TMEM135: variants seen among roughly 807,000 people sequenced by gnomAD.
TMEM135 encodes the protein transmembrane protein 135.
A neutral mutation model predicts 60.3 loss-of-function variants in TMEM135; 30 were observed. The ratio of observed to expected loss-of-function variants is 0.50; its 90% confidence interval spans 0.37 to 0.68. The LOEUF is 0.68. Ranked by LOEUF, TMEM135 falls within the 30% of genes least tolerant of loss-of-function variation. The pLI is 0.00. For missense variants in TMEM135, 468 were observed against 548.8 expected (o/e 0.85, Z 1.47); for synonymous variants, 190 against 186.7 (o/e 1.02, Z -0.14).
At chr11:87,187,150 G>A (rs545009672) in intron 5 of TMEM135, among the ~76,000 whole-genome samples, 1 of 152,290 alleles carries the variant, frequency 6.6e-6, no homozygotes, top group East Asian at 1.9e-4. Context: ...GGGGAGCTAT[G>A]TCAAGCCAAG....
chr11:87,153,733 C>T (rs969643498), intron 4 of TMEM135, among the ~76,000 whole-genome samples: 6 of 152,158 alleles, frequency 3.9e-5, no homozygotes, highest in African/African-American at 4.8e-5. Flanking sequence ...TTGACTCTAT[C>T]GCTAATTCCT....
chr11:87,231,939 T>C (rs898797154), intron 5 of TMEM135, among the ~76,000 whole-genome samples: 1 of 150,134 alleles, frequency 6.7e-6, no homozygotes, highest in African/African-American at 2.5e-5. Flanking sequence ...AAATGAAACA[T>C]AGAGAGAAAA....
At chr11:87,076,494 C>T (rs548234359) in intron 3 of TMEM135, among the ~76,000 whole-genome samples, 1 of 152,336 alleles carries the variant, frequency 6.6e-6, no homozygotes, top group South Asian at 2.1e-4. Context: ...TAGACCTGGA[C>T]TTGGGGACTC....
At chr11:87,073,496 G>A (rs1856811321) in intron 3 of TMEM135, among the ~76,000 whole-genome samples, 1 of 152,100 alleles carries the variant, frequency 6.6e-6, no homozygotes, top group South Asian at 2.1e-4. Flanking sequence ...AATCAAGTCA[G>A]TAATTCCAGG....
chr11:87,157,473 T>A, intron 5 of TMEM135, 67 bp downstream of exon 5: 1 of 1,332,714 alleles, frequency 7.5e-7, no homozygotes, highest in South Asian at 1.2e-5. Flanking sequence ...AAATATAAAA[T>A]GTGATGAAAT....
chr11:87,147,328 CAACA>C (rs940401779), intron 4 of TMEM135, among the ~76,000 whole-genome samples: 2 of 151,966 alleles, frequency 1.3e-5, no homozygotes, highest in South Asian at 2.1e-4. Context: ...CTCAAAAAAA[CAACA>C]AACAAACAAA....
intron 5 of TMEM135, among the ~76,000 whole-genome samples, chr11:87,168,939 C>A (rs879821326): frequency 6.6e-6 from 1 of 152,048 alleles, no homozygotes; most frequent in South Asian, 2.1e-4. Flanking sequence ...GAGTCTAAGT[C>A]TCTTTGTAGG....
intron 3 of TMEM135, among the ~76,000 whole-genome samples, chr11:87,081,918 C>G (rs1046694186): frequency 6.6e-6 from 1 of 152,058 alleles, no homozygotes; most frequent in Non-Finnish European, 1.5e-5. Flanking sequence ...AAAATTGATC[C>G]TTCCCTTGAT....
intron 6 of TMEM135, among the ~76,000 whole-genome samples, chr11:87,239,825 G>A (rs1251617134): frequency 6.6e-6 from 1 of 151,598 alleles, no homozygotes; most frequent in African/African-American, 2.4e-5. Flanking sequence ...AAGATGTGAT[G>A]ACTATACTAT....
chr11:87,298,565 ATCAC>A (rs139823234), intron 7 of TMEM135, among the ~76,000 whole-genome samples: 236 of 136,218 alleles, frequency 1.7e-3, no homozygotes, highest in African/African-American at 5.0e-3. Context: ...AAGGCGGGCA[ATCAC>A]TTAAGGTCAG....
At chr11:87,301,673 T>C (rs956451386) in intron 7 of TMEM135, among the ~76,000 whole-genome samples, 1 of 152,194 alleles carries the variant, frequency 6.6e-6, no homozygotes, top group South Asian at 2.1e-4. Flanking sequence ...ATAAGGGCAA[T>C]GACTCTTACA....
chr11:87,186,444 A>T (rs1489823904), intron 5 of TMEM135, among the ~76,000 whole-genome samples: 1 of 152,150 alleles, frequency 6.6e-6, no homozygotes, highest in Admixed American at 6.5e-5. Flanking sequence ...AGTTACTCAT[A>T]CCCCATGAAT....
chr11:87,272,636 A>AT (rs35107297), intron 6 of TMEM135, among the ~76,000 whole-genome samples: 55,192 of 151,270 alleles, frequency 0.36, 10,720 homozygotes, highest in Non-Finnish European at 0.43. Context: ...AACTTAAAAA[A>AT]TTTTTTTGTA....
At chr11:87,211,837 G>A (rs1372252307) in intron 5 of TMEM135, among the ~76,000 whole-genome samples, 1 of 151,954 alleles carries the variant, frequency 6.6e-6, no homozygotes, top group African/African-American at 2.4e-5. Context: ...CCAGCTACTC[G>A]GGAGGTTGAG....
intron 1 of TMEM135, 90 bp downstream of exon 1, chr11:87,038,276 C>G: frequency 6.9e-7 from 1 of 1,443,212 alleles, no homozygotes. Flanking sequence ...CTCTGGGGGA[C>G]TTGCCTTGTG....
intron 5 of TMEM135, among the ~76,000 whole-genome samples, chr11:87,172,981 A>T (rs1402463542): frequency 2.0e-5 from 3 of 151,944 alleles, no homozygotes; most frequent in African/African-American, 7.2e-5. Context: ...TATTACACTT[A>T]ATTTTAATAT....
In TMEM135 at chr11:87,322,689, A is replaced by G. The variant is rs1942843163; in HGVS notation, c.*1356A>G. The G allele has an allele frequency of 4.4e-6, 2 of 454,034 alleles. No individual in the cohort carries two copies. The highest frequency in any genetic ancestry group is 8.8e-6 in the Non-Finnish European group (2 of 226,726). The allele number at this position is 454,034 out of a possible 1,614,324, so 28.1% of individuals were successfully genotyped here. A position where few individuals can be genotyped will look rare whatever the true frequency, so the allele number is the denominator to read the frequency against. On this transcript the variant is annotated 3_prime_UTR_variant, in exon 15 of 15. Transcript: ENST00000305494. ...AAAAGGAATTATAACCCATACTTTA[A>G]AAATGCTTAATCCCTCATATTCAAT... is the stretch of plus-strand genomic sequence containing the variant.
chr11:87,298,322 A>C (rs1245001104), intron 7 of TMEM135, among the ~76,000 whole-genome samples: 2 of 152,236 alleles, frequency 1.3e-5, no homozygotes, highest in African/African-American at 2.4e-5. Flanking sequence ...ATACAATCAT[A>C]AAATGGCTTA....
intron 6 of TMEM135, among the ~76,000 whole-genome samples, chr11:87,293,393 T>C (rs1345331079): frequency 1.1e-5 from 1 of 89,320 alleles, no homozygotes; most frequent in East Asian, 2.5e-4. Flanking sequence ...TTTTTCTTCT[T>C]AAAAAAACAA....
Sources: allele counts gnomAD v4.1 joint callset (sites outside exome capture counted in the v4.1 genomes callset), GRCh38; gene constraint gnomAD v4.1.1; transcripts MANE v1.5; gene names NCBI Gene and HGNC (gene_info 2026-07-23, HGNC 2026-07-21).